Variants in TANC2 observed in about 807,000 individuals in gnomAD.
TANC2 encodes the protein tetratricopeptide repeat, ankyrin repeat and coiled-coil containing 2, also known as protein TANC2.
TANC2 carries 26 observed loss-of-function variants against 210.5 expected under a neutral mutation model. The observed-to-expected ratio is 0.12, with a 90% CI of 0.09 to 0.17. The LOEUF is 0.17. Ranked by LOEUF, TANC2 falls within the 10% of genes least tolerant of loss-of-function variation. The pLI is 1.00. For missense variants in TANC2, 2,129 were observed against 2,608.9 expected (o/e 0.82, Z 4.01); for synonymous variants, 931 against 967.1 (o/e 0.96, Z 0.69).
intron 11 of TANC2, among the ~76,000 whole-genome samples, chr17:63,325,335 A>G (rs1022721965): frequency 3.3e-5 from 5 of 152,218 alleles, no homozygotes; most frequent in Non-Finnish European, 7.3e-5. Context: ...GAAAGTAAAA[A>G]GCTATGTCTT....
intron 4 of TANC2, among the ~76,000 whole-genome samples, chr17:63,142,868 G>A (rs557225562): frequency 2.6e-5 from 4 of 152,198 alleles, no homozygotes; most frequent in South Asian, 4.1e-4. Flanking sequence ...GAGTTGGGGG[G>A]CATCTGCAAT....
At chr17:63,299,004 T>C (rs1236658960) in intron 9 of TANC2, among the ~76,000 whole-genome samples, 1 of 152,198 alleles carries the variant, frequency 6.6e-6, no homozygotes, top group African/African-American at 2.4e-5. Context: ...CTCCCACTTA[T>C]GAGTGAGAAC....
chr17:63,420,116 A>ACAG lies in TANC2; in HGVS notation c.4391_4393dup (p.Gln1464dup), dbSNP rs1389458145. On this transcript the variant is annotated inframe_insertion, in exon 28 of 28. Transcript: ENST00000689528. The surrounding 1 kb of genome is among the most constrained non-coding windows in gnomAD (Gnocchi z 4.2). ...AAGAGTGTAGACAGATGCAGCAGCC[A>ACAG]CAGCAGCCACCGCCGCCACCGCAGC... is the stretch of plus-strand genomic sequence containing the variant. 6.4e-7 allele frequency: 1 copy of ACAG among 1,552,522 alleles called. No homozygotes were observed. Among genetic ancestry groups the ACAG allele is most frequent in the East Asian group, 2.4e-5 (1 of 41,024 alleles).
rs1416034009 is a variant in TANC2, at chr17:63,105,856, C to CATATAGTATAGTATATGATAGTATAGT, written c.322+6502_322+6503insTAGTATAGTATATGATAGTATAGTATA. Among the ~76,000 whole-genome samples, 8 of 151,604 alleles carry CATATAGTATAGTATATGATAGTATAGT rather than the reference C, an allele frequency of 5.3e-5. No homozygotes were observed. In the South Asian group the frequency reaches 1.7e-3, roughly 32 times the overall value. The stretch of plus-strand genomic sequence containing the variant: ...CAATTTTAGGATAAACATTGGAATT[C>CATATAGTATAGTATATGATAGTATAGT]ATAATATAGTATAATGAATTTGTTA... On this transcript the variant is annotated intron_variant, in intron 4 of 27. Transcript: ENST00000689528.
exon 25 of TANC2, chr17:63,413,592 C>G: frequency 6.2e-7 from 1 of 1,602,692 alleles, no homozygotes; most frequent in Non-Finnish European, 8.5e-7. Context: ...TCATGATCAT[C>G]CTGTTGAGCA....
At chr17:63,393,652 T>C (rs200256690) in intron 17 of TANC2, 1 of 152,164 alleles carries the variant, frequency 6.6e-6, no homozygotes, top group Non-Finnish European at 1.5e-5. Context: ...TTAAGAAATA[T>C]CTTTTAGGGT....
intron 18 of TANC2, among the ~76,000 whole-genome samples, chr17:63,397,976 G>A (rs1183643755): frequency 3.9e-5 from 6 of 152,200 alleles, no homozygotes; most frequent in South Asian, 2.1e-4. Flanking sequence ...CACCAAGGGA[G>A]TGTTAAGTAA....
intron 2 of TANC2, among the ~76,000 whole-genome samples, chr17:63,063,421 G>A (rs553638591): frequency 7.2e-5 from 11 of 152,196 alleles, no homozygotes; most frequent in African/African-American, 2.6e-4. Context: ...CTGGTGACCA[G>A]CCCCCATCCA....
intron 3 of TANC2, 41 bp downstream of exon 3, chr17:63,074,055 A>T: frequency 1.3e-6 from 2 of 1,481,912 alleles, no homozygotes; most frequent in Non-Finnish European, 1.8e-6. Flanking sequence ...TCAAAAAATA[A>T]CGATAGATAT....
chr17:63,133,262 A>C (rs2038981481), intron 4 of TANC2, among the ~76,000 whole-genome samples: 1 of 150,842 alleles, frequency 6.6e-6, no homozygotes, highest in African/African-American at 2.4e-5. Context: ...GTGTGCCACC[A>C]CGCCTGGCTA....
At chr17:63,017,723 C>G (rs1237868626) in intron 2 of TANC2, among the ~76,000 whole-genome samples, 1 of 152,214 alleles carries the variant, frequency 6.6e-6, no homozygotes, top group Non-Finnish European at 1.5e-5. Flanking sequence ...GTTAACAAAA[C>G]ATCTATTTCT....
chr17:63,260,549 C>G (rs553421070), intron 8 of TANC2, among the ~76,000 whole-genome samples: 23 of 152,230 alleles, frequency 1.5e-4, no homozygotes, highest in Admixed American at 3.9e-4. Context: ...TTTGGGAGAC[C>G]AAGGTGGGCT....
chr17:63,164,543 C>T (rs1383275482), intron 5 of TANC2, among the ~76,000 whole-genome samples: 1 of 152,070 alleles, frequency 6.6e-6, no homozygotes, highest in Non-Finnish European at 1.5e-5. Flanking sequence ...GATAAAGATA[C>T]AGAGAAAGGC....
intron 2 of TANC2, among the ~76,000 whole-genome samples, chr17:63,027,175 T>A (rs2034586118): frequency 6.6e-6 from 1 of 152,162 alleles, no homozygotes; most frequent in African/African-American, 2.4e-5. Context: ...ACAATTTTTT[T>A]AAAGTATTAA....
intron 5 of TANC2, among the ~76,000 whole-genome samples, chr17:63,176,026 C>T (rs1318804733): frequency 6.6e-6 from 1 of 152,148 alleles, no homozygotes; most frequent in Non-Finnish European, 1.5e-5. Flanking sequence ...ATTAGTATAA[C>T]TAAAATTAAA....
At chr17:62,988,295 C>CT (rs59386058) in intron 1 of TANC2, among the ~76,000 whole-genome samples, 50,434 of 111,552 alleles carry the variant, frequency 0.45, 12,738 homozygotes, top group African/African-American at 0.64. Flanking sequence ...ACCTGGCTAA[C>CT]TTTTTTTTTT....
chr17:63,405,308 G>A (rs1327345820), intron 20 of TANC2, 53 bp downstream of exon 20: 2 of 1,480,744 alleles, frequency 1.4e-6, no homozygotes, highest in Non-Finnish European at 1.8e-6. Context: ...TTCTAGGTGA[G>A]GACTTCTGAT....
chr17:63,390,483 C>G (rs2047932491), intron 17 of TANC2: 1 of 152,108 alleles, frequency 6.6e-6, no homozygotes, highest in South Asian at 2.1e-4. Flanking sequence ...GATAACTGGG[C>G]CTCGTTACTA....
At chr17:63,275,558 A>C (rs1166073222) in intron 9 of TANC2, among the ~76,000 whole-genome samples, 1 of 152,216 alleles carries the variant, frequency 6.6e-6, no homozygotes, top group Admixed American at 6.6e-5. Flanking sequence ...CTACTGAGTC[A>C]CACATCCCTG....
Sources: gnomAD v4.1 joint callset for allele counts (sites outside exome capture counted in the v4.1 genomes callset) on GRCh38, gnomAD v4.1.1 for gene constraint, Gnocchi (gnomAD v3.1) non-coding constraint, MANE v1.5 for transcripts, NCBI Gene and HGNC (gene_info 2026-07-23, HGNC 2026-07-21) for gene names.